Variants in GRK4 observed in about 807,000 individuals in gnomAD.
GRK4 encodes G protein-coupled receptor kinase 2-like.
In GRK4, 73 loss-of-function variants were observed where a neutral mutation model predicts 77.9. That is an observed-to-expected ratio of 0.94 (90% confidence interval 0.78 to 1.14). GRK4 has a LOEUF of 1.14. Ranked by LOEUF, GRK4 falls within the 50% of genes most tolerant of loss-of-function variation. GRK4 has a pLI of 0.00. For missense variants in GRK4, 729 were observed against 700.2 expected (o/e 1.04, Z -0.46); for synonymous variants, 257 against 254.4 (o/e 1.01, Z -0.10).
At chr4:2,991,997 CA>C (rs55983725) in intron 3 of GRK4, among the ~76,000 whole-genome samples, 54,889 of 151,342 alleles carry the variant, frequency 0.36, 10,369 homozygotes, top group African/African-American at 0.44. Flanking sequence ...GATATCAAAC[CA>C]AATAATTTGA....
At chr4:3,006,037 C>T (rs538895289) in intron 5 of GRK4, among the ~76,000 whole-genome samples, 2 of 152,092 alleles carry the variant, frequency 1.3e-5, no homozygotes, top group South Asian at 4.1e-4. Context: ...TCCCTCAGCC[C>T]CCTCCTCTGA....
chr4:2,974,989 A>G (rs1720683977), intron 1 of GRK4, among the ~76,000 whole-genome samples: 1 of 152,120 alleles, frequency 6.6e-6, no homozygotes, highest in Non-Finnish European at 1.5e-5. Context: ...CTTCCCTTAC[A>G]GGTATCCTAA....
At chr4:3,030,617 A>G (rs1738880578) in intron 12 of GRK4, among the ~76,000 whole-genome samples, 1 of 151,796 alleles carries the variant, frequency 6.6e-6, no homozygotes, top group African/African-American at 2.4e-5. Context: ...AGGACGGGGA[A>G]CTGCCTGGAG....
intron 6 of GRK4, among the ~76,000 whole-genome samples, chr4:3,008,154 A>G (rs1164150021): frequency 6.6e-6 from 1 of 152,238 alleles, no homozygotes; most frequent in Non-Finnish European, 1.5e-5. Context: ...TTATACAGAA[A>G]TTTTCATAGG....
At chr4:3,009,531 A>G in intron 6 of GRK4, 117 bp from the exon 7 acceptor site, 2 of 687,166 alleles carry the variant, frequency 2.9e-6, no homozygotes, top group Admixed American at 2.2e-5. Flanking sequence ...TGTCCCGGGC[A>G]TCCCCTTTGA....
intron 3 of GRK4, 21 bp from the exon 4 acceptor site, chr4:2,992,194 T>G: frequency 1.3e-6 from 2 of 1,579,260 alleles, no homozygotes; most frequent in Non-Finnish European, 1.7e-6. Flanking sequence ...GTTCTTTCTT[T>G]TCTTCCATCT....
At chr4:2,980,149 C>G (rs1722463249) in intron 1 of GRK4, among the ~76,000 whole-genome samples, 1 of 152,220 alleles carries the variant, frequency 6.6e-6, no homozygotes, top group East Asian at 1.9e-4. Context: ...AGAGCCTGGA[C>G]AGTGCCTGGC....
intron 10 of GRK4, among the ~76,000 whole-genome samples, chr4:3,025,634 C>T (rs1162188629): frequency 1.3e-5 from 2 of 151,796 alleles, no homozygotes; most frequent in African/African-American, 2.4e-5. Flanking sequence ...CCTTGTGATC[C>T]GCCCGCCTCG....
chr4:2,972,884 A>C (rs1368604510), intron 1 of GRK4, among the ~76,000 whole-genome samples: 2 of 152,068 alleles, frequency 1.3e-5, no homozygotes, highest in Non-Finnish European at 2.9e-5. Context: ...ACAGGTGTAC[A>C]CTGCCATCCC....
At chr4:2,975,100 C>T (rs964122961) in intron 1 of GRK4, among the ~76,000 whole-genome samples, 16 of 152,092 alleles carry the variant, frequency 1.1e-4, no homozygotes, top group African/African-American at 2.9e-4. Context: ...GTCAGGAGAT[C>T]GAGACCATCC....
chr4:2,976,081 C>T (rs1721064178), intron 1 of GRK4, among the ~76,000 whole-genome samples: 2 of 152,224 alleles, frequency 1.3e-5, no homozygotes, highest in South Asian at 2.1e-4. Context: ...AAGGACTAGT[C>T]TGCTTTTTGT....
intron 12 of GRK4, among the ~76,000 whole-genome samples, chr4:3,034,281 C>T (rs139775009): frequency 9.3e-4 from 141 of 152,272 alleles, no homozygotes; most frequent in African/African-American, 2.5e-3. Context: ...GAGATAGAAG[C>T]GCAGACCAGA....
chr4:2,992,222 A>G lies in GRK4; in HGVS notation c.269A>G (p.Tyr90Cys), dbSNP rs771423294. 19 of 1,607,844 alleles carry G rather than the reference A, an allele frequency of 1.2e-5. No individual in the cohort carries two copies. In the South Asian group the frequency reaches 2.1e-4, roughly 18 times the overall value. ...TTCCATCTCTCCAATCAGGCAGAAT[A>G]TGAAGTTGCCGATGATGAGGACCGA... ...HIEFLDAVAEYEVADDEDRSD... is the reference protein window; with the variant it reads ...HIEFLDAVAECEVADDEDRSD... The change falls in exon 4 of 16, where the codon TAT becomes TGT. Residue 90 changes from tyrosine to cysteine, a missense_variant. Physicochemically the swap from Tyr to Cys is radical, Grantham distance 194. Coordinates refer to ENST00000398052, the MANE Select transcript of GRK4 (RefSeq NM_182982.3).
In GRK4 at chr4:2,987,245, G is replaced by A. The variant is rs551095475; in HGVS notation, c.149-1482G>A. On this transcript the variant is annotated intron_variant, in intron 2 of 15. Coordinates refer to ENST00000398052, the MANE Select transcript of GRK4 (RefSeq NM_182982.3). ...GTCTTTTGTGACAGGCTTTTTTTACGTAGCATAATGTTGTCAAAGTACTTC... is the reference window on the plus strand; with the variant it reads ...GTCTTTTGTGACAGGCTTTTTTTACATAGCATAATGTTGTCAAAGTACTTC... The A allele has an allele frequency of 7.3e-5, 30 of 408,344 alleles. 1 individual carries two copies. Among genetic ancestry groups the A allele is most frequent in the East Asian group, 2.7e-4 (4 of 14,706 alleles). 25.3% of individuals were successfully genotyped at this position (408,344 alleles called of 1,614,324 possible).
At chr4:3,005,610 C>T (rs1451169522) in intron 5 of GRK4, among the ~76,000 whole-genome samples, 3 of 152,042 alleles carry the variant, frequency 2.0e-5, no homozygotes, top group Admixed American at 6.6e-5. Context: ...CAAGACCAGC[C>T]TGGCCCACAT....
intron 1 of GRK4, among the ~76,000 whole-genome samples, chr4:2,976,869 C>A (rs991015586): frequency 3.3e-5 from 5 of 152,074 alleles, no homozygotes; most frequent in Non-Finnish European, 2.9e-5. Context: ...AAACTGCCGA[C>A]CTCAGGTGAT....
chr4:3,030,857 C>T (rs921193737), intron 12 of GRK4, among the ~76,000 whole-genome samples: 8 of 152,156 alleles, frequency 5.3e-5, no homozygotes, highest in Admixed American at 4.6e-4. Flanking sequence ...ATGAAGCCAT[C>T]GCAGGGCTCT....
intron 7 of GRK4, 100 bp downstream of exon 7, chr4:3,009,811 C>A: frequency 1.3e-6 from 1 of 756,930 alleles, no homozygotes; most frequent in Non-Finnish European, 2.2e-6. Flanking sequence ...TCCCAGTACA[C>A]TGTTGCCTTA....
intron 11 of GRK4, 82 bp downstream of exon 11, chr4:3,028,083 T>G (rs967569517): frequency 9.1e-6 from 11 of 1,207,640 alleles, no homozygotes; most frequent in Non-Finnish European, 8.6e-6. Context: ...CCACCCTGAA[T>G]GGACCGGGGC....
Sources: allele counts gnomAD v4.1 joint callset (sites outside exome capture counted in the v4.1 genomes callset), GRCh38; gene constraint gnomAD v4.1.1; transcripts MANE v1.5; gene names NCBI Gene and HGNC (gene_info 2026-07-23, HGNC 2026-07-21).